Variants in RASSF6 observed in about 807,000 individuals in gnomAD.
RASSF6 encodes Ras association domain family member 6, also known as ras association domain-containing protein 6.
A neutral mutation model predicts 44.0 loss-of-function variants in RASSF6; 52 were observed. The ratio of observed to expected loss-of-function variants is 1.18; its 90% CI spans 0.95 to 1.49. The LOEUF (loss-of-function observed/expected upper bound fraction) is 1.49, where lower values mean the gene tolerates loss of function less well. Among genes scored for constraint, RASSF6 ranks in the 40% most tolerant of loss-of-function variants. The pLI, the probability that RASSF6 is intolerant of heterozygous loss-of-function variation, is 0.00. For synonymous variants in RASSF6, 162 were observed against 124.6 expected (o/e 1.30, Z -2.00); for missense variants, 464 against 393.3 (o/e 1.18, Z -1.52).
intron 2 of RASSF6, among the ~76,000 whole-genome samples, chr4:73,607,405 T>TCCTG (rs1398162381): frequency 1.3e-5 from 2 of 152,210 alleles, no homozygotes; most frequent in Non-Finnish European, 2.9e-5. Flanking sequence ...CTGGCAGATT[T>TCCTG]CCTGTGTCAG....
intron 1 of RASSF6, among the ~76,000 whole-genome samples, chr4:73,618,173 TTC>T (rs932336619): frequency 2.4e-4 from 37 of 152,148 alleles, no homozygotes; most frequent in African/African-American, 8.4e-4. Flanking sequence ...TGTCACTCTT[TTC>T]TCTCTTTCTC....
intron 5 of RASSF6, among the ~76,000 whole-genome samples, chr4:73,586,386 C>T (rs1008271273): frequency 2.0e-5 from 3 of 151,850 alleles, no homozygotes; most frequent in Admixed American, 6.6e-5. Flanking sequence ...TATAGTGTAG[C>T]GTTGAACAAC....
At chr4:73,615,671 T>G (rs780750651) in intron 1 of RASSF6, among the ~76,000 whole-genome samples, 31 of 152,244 alleles carry the variant, frequency 2.0e-4, no homozygotes, top group Non-Finnish European at 3.2e-4. Context: ...ACAATGAAGC[T>G]GGAGAAACAG....
chr4:73,618,940 A>G (rs1726535125), intron 1 of RASSF6, among the ~76,000 whole-genome samples: 1 of 152,196 alleles, frequency 6.6e-6, no homozygotes, highest in Non-Finnish European at 1.5e-5. Context: ...TTTAAGTGAA[A>G]CTTCATAAAA....
At chr4:73,582,634 G>A (rs16849629) in intron 6 of RASSF6, among the ~76,000 whole-genome samples, 42,419 of 151,858 alleles carry the variant, frequency 0.28, 6,163 homozygotes, top group Admixed American at 0.41. Flanking sequence ...TATTAAGTAA[G>A]GATTTATTTC....
At chr4:73,616,696 C>T (rs780686589) in intron 1 of RASSF6, among the ~76,000 whole-genome samples, 3 of 152,106 alleles carry the variant, frequency 2.0e-5, no homozygotes, top group African/African-American at 7.2e-5. Flanking sequence ...AAAAAAAGAA[C>T]AGAAAGTATC....
At chr4:73,578,685 T>C (rs1723407004) in intron 8 of RASSF6, among the ~76,000 whole-genome samples, 2 of 151,446 alleles carry the variant, frequency 1.3e-5, no homozygotes, top group African/African-American at 2.4e-5. Flanking sequence ...CTCAGCTCAC[T>C]GCAACCTCCG....
intron 3 of RASSF6, among the ~76,000 whole-genome samples, chr4:73,594,013 GA>G (rs1208478754): frequency 6.6e-6 from 1 of 152,062 alleles, no homozygotes; most frequent in African/African-American, 2.4e-5. Context: ...TTGCTGAACA[GA>G]AAAAAATTTA....
At position 73,589,640 on chromosome 4, in the gene RASSF6, G is replaced by A. The variant is rs575764116; in HGVS notation, c.288-1706C>T. Among the ~76,000 whole-genome samples, 6 of 152,130 alleles carry A rather than the reference G, an allele frequency of 3.9e-5. No individual in the cohort carries two copies. In the East Asian group the frequency reaches 1.2e-3, roughly 29 times the overall value. ...ACACCAGTTTTCAGCTCTGGATTGT[G>A]TAATTTGAAGCATCACCCCATACAA... On this transcript the variant is annotated intron_variant, in intron 4 of 10. Transcript: ENST00000307439.
At chr4:73,599,121 G>A (rs2149385749) in intron 2 of RASSF6, among the ~76,000 whole-genome samples, 1 of 152,332 alleles carries the variant, frequency 6.6e-6, no homozygotes, top group Middle Eastern at 3.4e-3. Flanking sequence ...CAGGGCATGG[G>A]ATGGGACACC....
At chr4:73,615,754 TC>T in intron 1 of RASSF6, 1 of 668,848 alleles carries the variant, frequency 1.5e-6, no homozygotes, top group Non-Finnish European at 2.6e-6. Context: ...GTAGAATTGG[TC>T]TGAACAAGCC....
chr4:73,572,317 T>C lies in RASSF6; in HGVS notation c.*3918A>G, dbSNP rs1348695695. ...AGCAAGGAGGAAGCCACAGTGACTT[T>C]TATGACCTACTTCAAAGTCTCACAG... On this transcript the variant is annotated 3_prime_UTR_variant, in exon 11 of 11. Transcript: ENST00000307439. 2.6e-5 allele frequency: 4 copies of C among 152,150 alleles called. No individual in the cohort carries two copies. The highest frequency in any genetic ancestry group is 4.1e-4 in the South Asian group (2 of 4,832). 9.4% of individuals were successfully genotyped at this position (152,150 alleles called of 1,614,324 possible).
At chr4:73,588,246 A>G (rs1724259730) in intron 4 of RASSF6, among the ~76,000 whole-genome samples, 1 of 152,090 alleles carries the variant, frequency 6.6e-6, no homozygotes, top group South Asian at 2.1e-4. Flanking sequence ...AACCAAGATG[A>G]TCAATTGTTA....
Position 73,585,383 on chromosome 4 carries a change from A to G in RASSF6, c.383-19T>C, listed in dbSNP as rs1458908439. ...AAATAGTCTGGGAAGAATAGATTAT[A>G]AGCTCATATCATTCAGCTGCCTGTG... On this transcript the variant is annotated intron_variant, in intron 5 of 10. Coordinates refer to ENST00000307439, the MANE Select transcript of RASSF6 (RefSeq NM_177532.5). 1 of 1,523,874 alleles carries G rather than the reference A, an allele frequency of 6.6e-7. No homozygotes were observed. Among genetic ancestry groups the G allele is most frequent in the East Asian group, 2.3e-5 (1 of 43,678 alleles). 94.4% of individuals were successfully genotyped at this position (1,523,874 alleles called of 1,614,324 possible).
chr4:73,576,867 A>C, intron 8 of RASSF6, 136 bp from the exon 9 acceptor site: 1 of 629,838 alleles, frequency 1.6e-6, no homozygotes, highest in Non-Finnish European at 2.8e-6. Flanking sequence ...CAATTACTCA[A>C]AAAAGCAAAT....
chr4:73,579,530 T>A (rs1233959421), intron 8 of RASSF6, among the ~76,000 whole-genome samples: 2 of 152,172 alleles, frequency 1.3e-5, no homozygotes, highest in African/African-American at 4.8e-5. Flanking sequence ...CTTAGCTACT[T>A]GCATTTCACT....
In RASSF6 at chr4:73,572,041, C is replaced by T. The variant is rs1337123830; in HGVS notation, c.*4194G>A. ...CATACAGTTTCTGAGGATGAGGAAT[C>T]CAGAATGGTTTCCTTGGGTTTTCTG... On this transcript the variant is annotated 3_prime_UTR_variant, in exon 11 of 11. Coordinates refer to ENST00000307439, the MANE Select transcript of RASSF6 (RefSeq NM_177532.5). 6.6e-6 allele frequency: 1 copy of T among 152,140 alleles called. No homozygotes were observed. Among genetic ancestry groups the T allele is most frequent in the African/African-American group, 2.4e-5 (1 of 41,406 alleles). The allele number at this position is 152,140 out of a possible 1,614,324, so 9.4% of individuals were successfully genotyped here.
At chr4:73,582,727 G>T (rs1723766658) in intron 6 of RASSF6, among the ~76,000 whole-genome samples, 1 of 152,034 alleles carries the variant, frequency 6.6e-6, no homozygotes. Flanking sequence ...GTAGAGATGG[G>T]TGGGTTTTGG....
chr4:73,620,573 C>T (rs1726639842), upstream of RASSF6: 14 of 1,165,720 alleles, frequency 1.2e-5, no homozygotes, highest in Non-Finnish European at 1.5e-5. Context: ...TTAATTATTT[C>T]TCCTTTTCGC....
Sources: allele counts gnomAD v4.1 joint callset (sites outside exome capture counted in the v4.1 genomes callset), GRCh38; gene constraint gnomAD v4.1.1; transcripts MANE v1.5; gene names NCBI Gene and HGNC (gene_info 2026-07-23, HGNC 2026-07-21).